Variants in NMU observed in about 807,000 individuals in gnomAD.
The protein encoded by NMU is neuromedin U, also known as neuromedin-U.
NMU carries 29 observed loss-of-function variants against 35.4 expected under a neutral mutation model. The observed-to-expected ratio is 0.82, with a 90% CI of 0.61 to 1.12. NMU has a LOEUF of 1.12. NMU is among the 50% of genes most tolerant of loss of function. The pLI is 0.00. For synonymous variants in NMU, 78 were observed against 81.3 expected (o/e 0.96, Z 0.22); for missense variants, 199 against 206.2 (o/e 0.97, Z 0.21).
chr4:55,600,033 A>G (rs76790302), intron 8 of NMU, among the ~76,000 whole-genome samples: 3 of 152,164 alleles, frequency 2.0e-5, no homozygotes, highest in African/African-American at 7.2e-5. Context: ...AGCTGCCTAG[A>G]AAAAAACCTC....
intron 2 of NMU, among the ~76,000 whole-genome samples, chr4:55,617,571 C>T (rs1320773296): frequency 3.3e-5 from 5 of 152,016 alleles, no homozygotes; most frequent in African/African-American, 1.2e-4. Context: ...GCTAAATTGC[C>T]CAGAATAAGT....
At chr4:55,617,128 CT>C (rs1734138783) in intron 2 of NMU, among the ~76,000 whole-genome samples, 1 of 152,132 alleles carries the variant, frequency 6.6e-6, no homozygotes, top group Non-Finnish European at 1.5e-5. Flanking sequence ...ATTCTTGTCT[CT>C]CTGGAATGAT....
At chr4:55,603,999 G>A (rs1432322768) in intron 7 of NMU, among the ~76,000 whole-genome samples, 2 of 43,072 alleles carry the variant, frequency 4.6e-5, no homozygotes, top group Admixed American at 3.0e-4. Flanking sequence ...ATATATATAC[G>A]TATATATGTA....
rs149059827 is a variant in NMU at position 55,602,635 on chromosome 4, C to T, written c.436-2060G>A. Among the ~76,000 whole-genome samples the T allele has an allele frequency of 4.6e-5, 7 of 152,254 alleles. No individual in the cohort carries two copies. In the East Asian group the frequency reaches 1.2e-3, roughly 25 times the overall value. On this transcript the variant is annotated intron_variant, in intron 7 of 9. Transcript: ENST00000264218. ...TGAAATTGTTTACTAATTCATAACT[C>T]GAGCAAACACTTTTAAGAAGTAAAA...
chr4:55,611,748 A>AT (rs1251936524), intron 3 of NMU, among the ~76,000 whole-genome samples: 1 of 152,232 alleles, frequency 6.6e-6, no homozygotes, highest in East Asian at 1.9e-4. Context: ...CATATAGCCT[A>AT]GGTGTGTAGT....
chr4:55,632,150 C>T (rs1366259691), intron 1 of NMU, among the ~76,000 whole-genome samples: 1 of 151,604 alleles, frequency 6.6e-6, no homozygotes, highest in East Asian at 1.9e-4. Flanking sequence ...TTTGGGGACT[C>T]GGAGGTGGAG....
intron 2 of NMU, among the ~76,000 whole-genome samples, chr4:55,618,721 CTCTT>C (rs140966291): frequency 2.1e-5 from 3 of 143,894 alleles, no homozygotes; most frequent in African/African-American, 5.1e-5. Context: ...TCTTTCTTCT[CTCTT>C]TCTTCTTTCT....
intron 2 of NMU, among the ~76,000 whole-genome samples, chr4:55,616,695 A>G (rs1734119131): frequency 6.6e-6 from 1 of 152,208 alleles, no homozygotes; most frequent in Non-Finnish European, 1.5e-5. Context: ...TTAGCCTGAG[A>G]AATGTGAGAG....
chr4:55,610,953 T>C (rs1733906311), intron 3 of NMU, among the ~76,000 whole-genome samples: 1 of 152,190 alleles, frequency 6.6e-6, no homozygotes. Context: ...AAATTCTTTT[T>C]AATTTCAAAA....
chr4:55,634,320 T>A (rs1715790367), intron 1 of NMU, among the ~76,000 whole-genome samples: 1 of 152,162 alleles, frequency 6.6e-6, no homozygotes, highest in Non-Finnish European at 1.5e-5. Context: ...AGAGCAGGTC[T>A]GAAGGGGAAT....
At chr4:55,618,639 TTCTC>T (rs199856537) in intron 2 of NMU, among the ~76,000 whole-genome samples, 1 of 151,806 alleles carries the variant, frequency 6.6e-6, no homozygotes, top group South Asian at 2.1e-4. Flanking sequence ...CTTTCTTTTC[TTCTC>T]TCTTTCTTTC....
chr4:55,636,287 G>C lies in NMU; in HGVS notation c.-95C>G. 1 of 1,379,076 alleles carries C rather than the reference G, an allele frequency of 7.3e-7. No homozygotes were observed. 85.4% of individuals were successfully genotyped at this position (1,379,076 alleles called of 1,614,324 possible). ...GTGCCCTGGCTGTGCCTCGGGGCCC[G>C]GACACAGGACTGAGCGCCCGGCGAG... On this transcript the variant is annotated 5_prime_UTR_variant, in exon 1 of 10. Coordinates refer to ENST00000264218, the MANE Select transcript of NMU (RefSeq NM_006681.4). This position sits in a 1 kb window ranked among gnomAD's most constrained non-coding sequence, Gnocchi z 4.0.
At chr4:55,608,174 CAAA>C (rs3035745) in intron 4 of NMU, among the ~76,000 whole-genome samples, 1 of 110,408 alleles carries the variant, frequency 9.1e-6, no homozygotes, top group Admixed American at 1.1e-4. Context: ...GACTCCATCT[CAAA>C]AAAAAAAAAA....
At position 55,618,539 on chromosome 4, in the gene NMU, C is replaced by T. The variant is rs1734201726; in HGVS notation, c.172-2154G>A. Among the ~76,000 whole-genome samples, 4 of 152,168 alleles carry T rather than the reference C, an allele frequency of 2.6e-5. No individual in the cohort carries two copies. In the South Asian group the frequency reaches 8.3e-4, roughly 31 times the overall value. On this transcript the variant is annotated intron_variant, in intron 2 of 9. Coordinates refer to ENST00000264218, the MANE Select transcript of NMU (RefSeq NM_006681.4). Reference sequence around the variant, plus strand: ...TTAAATCTTCAAGCAGAAAAATTAACTATATGTTCCTAGCATCTTAACTTC... The same window carrying T: ...TTAAATCTTCAAGCAGAAAAATTAATTATATGTTCCTAGCATCTTAACTTC...
chr4:55,619,533 G>T (rs1336010551), intron 2 of NMU, among the ~76,000 whole-genome samples: 2 of 143,272 alleles, frequency 1.4e-5, no homozygotes, highest in Non-Finnish European at 3.1e-5. Flanking sequence ...GAATCTCGCT[G>T]ATTGCCAGCA....
At chr4:55,617,301 A>G (rs1277276232) in intron 2 of NMU, among the ~76,000 whole-genome samples, 1 of 152,184 alleles carries the variant, frequency 6.6e-6, no homozygotes, top group African/African-American at 2.4e-5. Context: ...ATTATTTCCT[A>G]ACTTAGAGAA....
At chr4:55,617,694 T>C (rs1419680558) in intron 2 of NMU, among the ~76,000 whole-genome samples, 2 of 152,194 alleles carry the variant, frequency 1.3e-5, no homozygotes, top group Non-Finnish European at 2.9e-5. Flanking sequence ...TTTTGAGCAA[T>C]GCTTACTACA....
chr4:55,601,675 T>C (rs527674239), intron 7 of NMU, among the ~76,000 whole-genome samples: 10 of 152,282 alleles, frequency 6.6e-5, no homozygotes, highest in Non-Finnish European at 1.2e-4. Flanking sequence ...ATAAACCATA[T>C]GTTTATATAC....
At chr4:55,604,070 CTT>C (rs374723614) in intron 7 of NMU, among the ~76,000 whole-genome samples, 1 of 69,796 alleles carries the variant, frequency 1.4e-5, no homozygotes, top group Non-Finnish European at 2.7e-5. Flanking sequence ...GATTTTTTTT[CTT>C]TTTTTTTTTT....
Sources: gnomAD v4.1 joint callset for allele counts (sites outside exome capture counted in the v4.1 genomes callset) on GRCh38, gnomAD v4.1.1 for gene constraint, Gnocchi (gnomAD v3.1) non-coding constraint, MANE v1.5 for transcripts, NCBI Gene and HGNC (gene_info 2026-07-23, HGNC 2026-07-21) for gene names.